Variants in C1orf87 observed in about 807,000 individuals in gnomAD.
C1orf87 encodes the protein chromosome 1 open reading frame 87, also known as uncharacterized protein C1orf87.
C1orf87 carries 58 observed loss-of-function variants against 60.5 expected under a neutral mutation model. The ratio of observed to expected loss-of-function variants is 0.96; its 90% CI spans 0.78 to 1.19. The LOEUF (loss-of-function observed/expected upper bound fraction) is 1.19, where lower values mean the gene tolerates loss of function less well. C1orf87 is among the 50% of genes most tolerant of loss of function. The pLI is 0.00. For missense variants in C1orf87, 673 were observed against 638.6 expected, an observed-to-expected ratio of 1.05 and a Z score of -0.58; for synonymous variants, 236 against 227.4, an observed-to-expected ratio of 1.04 and a Z score of -0.34.
chr1:60,057,340 G>A (rs969421779), intron 2 of C1orf87, among the ~76,000 whole-genome samples: 2 of 152,102 alleles, frequency 1.3e-5, no homozygotes, highest in African/African-American at 4.8e-5. Context: ...AGAAAGAAGG[G>A]GGACAAGCAA....
chr1:60,020,610 AT>A (rs1645156574), intron 8 of C1orf87, among the ~76,000 whole-genome samples: 1 of 152,002 alleles, frequency 6.6e-6, no homozygotes, highest in Non-Finnish European at 1.5e-5. Context: ...CTTTTGGCAC[AT>A]TTCTTCCTTT....
chr1:60,064,883 T>A, intron 2 of C1orf87, among the ~76,000 whole-genome samples: 1 of 93,296 alleles, frequency 1.1e-5, no homozygotes, highest in Non-Finnish European at 1.9e-5. Flanking sequence ...ATATTTGTTC[T>A]AAATAAATAT....
rs975470870 is a variant in C1orf87, at chr1:60,028,652, T to A, written c.1030-3154A>T. On this transcript the variant is annotated intron_variant, in intron 7 of 11. Coordinates refer to ENST00000371201, the MANE Select transcript of C1orf87 (RefSeq NM_152377.3). ...CAGTGCACACTGTCTCAGAGCCCTC[T>A]TTTCCCACAGATAGCTCCATTTGCA... Among the ~76,000 whole-genome samples the A allele has an allele frequency of 5.3e-5, 8 of 152,198 alleles. No homozygotes were observed. The East Asian group carries it at 1.5e-3, about 29-fold the overall frequency.
chr1:60,008,376 C>G (rs1645060508), intron 9 of C1orf87, among the ~76,000 whole-genome samples: 2 of 152,094 alleles, frequency 1.3e-5, no homozygotes, highest in South Asian at 4.1e-4. Context: ...TTCAATTTAT[C>G]TTTTTACATA....
At chr1:60,014,400 C>A (rs1245491883) in intron 8 of C1orf87, among the ~76,000 whole-genome samples, 2 of 152,106 alleles carry the variant, frequency 1.3e-5, no homozygotes, top group South Asian at 4.1e-4. Flanking sequence ...GTGAAGATTT[C>A]TTTTGTACAT....
intron 7 of C1orf87, among the ~76,000 whole-genome samples, chr1:60,031,007 G>A (rs1226181204): frequency 6.6e-6 from 1 of 152,176 alleles, no homozygotes; most frequent in Admixed American, 6.5e-5. Flanking sequence ...GTGGCAGTCT[G>A]GATGTGCTTT....
chr1:60,043,221 T>G (rs1052835787), intron 3 of C1orf87, among the ~76,000 whole-genome samples: 4 of 152,186 alleles, frequency 2.6e-5, no homozygotes, highest in South Asian at 4.1e-4. Flanking sequence ...GCATCTACGC[T>G]TTATTCTGAG....
At chr1:60,021,960 A>G (rs964338902) in intron 8 of C1orf87, among the ~76,000 whole-genome samples, 1 of 152,152 alleles carries the variant, frequency 6.6e-6, no homozygotes, top group African/African-American at 2.4e-5. Context: ...TTCAAGGTAG[A>G]GGGAACATTC....
At chr1:60,022,556 G>T (rs894022380) in intron 8 of C1orf87, among the ~76,000 whole-genome samples, 1 of 152,052 alleles carries the variant, frequency 6.6e-6, no homozygotes, top group Non-Finnish European at 1.5e-5. Context: ...AGCTAGTACT[G>T]AACCCTATAT....
intron 2 of C1orf87, among the ~76,000 whole-genome samples, chr1:60,061,922 G>C (rs1645499671): frequency 6.6e-6 from 1 of 151,802 alleles, no homozygotes; most frequent in Non-Finnish European, 1.5e-5. Context: ...TTGTACTCCA[G>C]CCTGGGTGAT....
chr1:60,057,342 GA>G (rs1312424366), intron 2 of C1orf87, among the ~76,000 whole-genome samples: 1 of 152,116 alleles, frequency 6.6e-6, no homozygotes, highest in Non-Finnish European at 1.5e-5. Context: ...AAAGAAGGGG[GA>G]CAAGCAATGT....
chr1:60,064,783 A>T (rs1234043238), intron 2 of C1orf87, among the ~76,000 whole-genome samples: 6 of 93,658 alleles, frequency 6.4e-5, no homozygotes, highest in East Asian at 2.7e-4. Context: ...TAATATATAA[A>T]TATATATTAA....
At position 60,008,897 on chromosome 1, in the gene C1orf87, A is replaced by C. The variant is rs540927631; in HGVS notation, c.1192+1495T>G. On this transcript the variant is annotated intron_variant, in intron 9 of 11. Coordinates refer to ENST00000371201, the MANE Select transcript of C1orf87 (RefSeq NM_152377.3). ...CCAGCTGCTTGGCATTTCCGTGGAG[A>C]CCCTAGAACCATCTGTGTGGTGACA... 1.9e-4 allele frequency: 61 copies of C among 313,000 alleles called. 1 individual carries two copies. In the East Asian group the frequency reaches 5.4e-3, roughly 28 times the overall value. The allele number at this position is 313,000 out of a possible 1,614,324, so 19.4% of individuals were successfully genotyped here.
intron 8 of C1orf87, among the ~76,000 whole-genome samples, chr1:60,020,874 T>A (rs762085010): frequency 2.3e-4 from 35 of 152,152 alleles, no homozygotes; most frequent in Non-Finnish European, 5.0e-4. Context: ...ATTGTTTGGC[T>A]CTGTGTTCCC....
intron 2 of C1orf87, among the ~76,000 whole-genome samples, chr1:60,066,774 C>G (rs1645549398): frequency 6.6e-6 from 1 of 151,892 alleles, no homozygotes; most frequent in Non-Finnish European, 1.5e-5. Context: ...TTTGCTGCAC[C>G]CATCAACCTG....
At chr1:60,066,876 T>C (rs1028563078) in intron 2 of C1orf87, among the ~76,000 whole-genome samples, 1 of 151,994 alleles carries the variant, frequency 6.6e-6, no homozygotes, top group African/African-American at 2.4e-5. Flanking sequence ...CCTCTCCCTG[T>C]GTCCATGTGT....
At chr1:60,069,567 G>A (rs764453858) in intron 2 of C1orf87, among the ~76,000 whole-genome samples, 15 of 152,170 alleles carry the variant, frequency 9.9e-5, no homozygotes, top group Non-Finnish European at 1.9e-4. Flanking sequence ...TGAAATATAT[G>A]TATACTAAAT....
At chr1:60,038,128 A>G (rs767797724) in intron 5 of C1orf87, 21 bp from the exon 6 acceptor site, 2 of 1,422,014 alleles carry the variant, frequency 1.4e-6, no homozygotes, top group African/African-American at 2.8e-5. Context: ...AATGTAAAAT[A>G]GAACATCCTC....
At chr1:60,000,969 T>A in intron 10 of C1orf87, 108 bp downstream of exon 10, 1 of 889,086 alleles carries the variant, frequency 1.1e-6, no homozygotes, top group Non-Finnish European at 1.8e-6. Context: ...ACATCAAGGG[T>A]TTGGGAGAAA....
Sources: allele counts gnomAD v4.1 joint callset (sites outside exome capture counted in the v4.1 genomes callset), GRCh38; gene constraint gnomAD v4.1.1; transcripts MANE v1.5; gene names NCBI Gene and HGNC (gene_info 2026-07-23, HGNC 2026-07-21).